The following FAM114A2 variants were observed in gnomAD, a reference collection of about 807,000 sequenced individuals.
FAM114A2 encodes protein FAM114A2.
FAM114A2 carries 53 observed loss-of-function variants against 58.4 expected under a neutral mutation model. That is an observed-to-expected ratio of 0.91 (90% CI 0.73 to 1.14). FAM114A2 has a LOEUF of 1.14. FAM114A2 is among the 50% of genes most tolerant of loss of function. FAM114A2 has a pLI of 0.00. For synonymous variants in FAM114A2, 228 were observed against 211.4 expected (o/e 1.08, Z -0.68); for missense variants, 601 against 581.1 (o/e 1.03, Z -0.35).
chr5:153,992,886 T>TA lies in FAM114A2; in HGVS notation c.*89dup. Reference sequence around the variant, plus strand: ...CTGCCTGAATTTTTATATACTAAAATAACCCCACTCCTTCATTTCTGCAGG... The same window carrying TA: ...CTGCCTGAATTTTTATATACTAAAATAAACCCCACTCCTTCATTTCTGCAGG... On this transcript the variant is annotated 3_prime_UTR_variant, in exon 14 of 14. Transcript: ENST00000351797. The TA allele has an allele frequency of 8.5e-7, 1 of 1,179,484 alleles. No homozygotes were observed. The highest frequency in any genetic ancestry group is 1.2e-6 in the Non-Finnish European group (1 of 843,040). 73.1% of individuals were successfully genotyped at this position (1,179,484 alleles called of 1,614,324 possible). A position where few individuals can be genotyped will look rare whatever the true frequency, so the allele number is the denominator to read the frequency against.
Position 154,034,341 on chromosome 5 carries a change from C to G in FAM114A2, c.247G>C (p.Gly83Arg). The G allele has an allele frequency of 6.3e-7, 1 of 1,599,436 alleles. No homozygotes were observed. Among genetic ancestry groups the G allele is most frequent in the Middle Eastern group, 1.7e-4 (1 of 6,012 alleles). Residue 83 changes from glycine (G) to arginine (R), a missense_variant, in exon 3 of 14, where the codon GGT becomes CGT. Gly to Arg is a moderately radical substitution (Grantham distance 125, BLOSUM62 -2). Coordinates refer to ENST00000351797, the MANE Select transcript of FAM114A2 (RefSeq NM_018691.4). Reference sequence around the variant, plus strand: ...GACTTGCCCCAGCTCCCCCAATAACCCCATCTGGTCTGGGGTACATCTTTG... The same window carrying G: ...GACTTGCCCCAGCTCCCCCAATAACGCCATCTGGTCTGGGGTACATCTTTG... ...VSKDVPQTRW[G>R]YWGSWGKSIL... is the part of the protein sequence containing the mutation.
intron 9 of FAM114A2, among the ~76,000 whole-genome samples, chr5:154,010,055 T>A (rs1488551595): frequency 6.6e-6 from 1 of 152,204 alleles, no homozygotes; most frequent in African/African-American, 2.4e-5. Flanking sequence ...TAAGGGAATA[T>A]CCCTATCCTT....
chr5:153,991,214 T>C lies in FAM114A2; in HGVS notation c.*1762A>G, dbSNP rs1314741510. The C allele has an allele frequency of 1.3e-5, 2 of 152,208 alleles. No homozygotes were observed. The highest frequency in any genetic ancestry group is 2.9e-5 in the Non-Finnish European group (2 of 68,026). The allele number at this position is 152,208 out of a possible 1,614,324, so 9.4% of individuals were successfully genotyped here. A position where few individuals can be genotyped will look rare whatever the true frequency, so the allele number is the denominator to read the frequency against. On this transcript the variant is annotated 3_prime_UTR_variant, in exon 14 of 14. Coordinates refer to ENST00000351797, the MANE Select transcript of FAM114A2 (RefSeq NM_018691.4). ...CTGAATAGGTGTATAAAAAGAGTTG[T>C]TACTCTCTCCTTCATATGTATACCC...
At chr5:153,994,738 T>C (rs1769445641) in intron 13 of FAM114A2, 181 bp downstream of exon 13, 2 of 548,040 alleles carry the variant, frequency 3.6e-6, no homozygotes, top group Non-Finnish European at 6.5e-6. Flanking sequence ...TTCAACTGTA[T>C]GCTTTCTAAT....
chr5:154,028,000 C>T (rs1771910143), intron 6 of FAM114A2, 149 bp downstream of exon 6: 3 of 612,774 alleles, frequency 4.9e-6, no homozygotes, highest in African/African-American at 3.7e-5. Context: ...GTAGAGCTCT[C>T]ACCCATCCCT....
At chr5:154,035,075 G>A (rs1772462244) in intron 1 of FAM114A2, 108 bp from the exon 2 acceptor site, 1 of 652,294 alleles carries the variant, frequency 1.5e-6, no homozygotes, top group African/African-American at 1.8e-5. Context: ...CAAGTATAAG[G>A]AATAATACAG....
At chr5:154,021,259 C>A (rs1712801903) in intron 8 of FAM114A2, among the ~76,000 whole-genome samples, 1 of 152,178 alleles carries the variant, frequency 6.6e-6, no homozygotes, top group South Asian at 2.1e-4. Flanking sequence ...CCCTCTCTCA[C>A]CGCTCCTATT....
chr5:154,011,396 G>T, intron 8 of FAM114A2, 76 bp from the exon 9 acceptor site: 1 of 898,982 alleles, frequency 1.1e-6, no homozygotes. Flanking sequence ...AGGAGGAAGA[G>T]GAGAGGAGTG....
At chr5:154,015,048 G>T (rs1325327588) in intron 8 of FAM114A2, among the ~76,000 whole-genome samples, 1 of 152,086 alleles carries the variant, frequency 6.6e-6, no homozygotes, top group Admixed American at 6.5e-5. Flanking sequence ...CTGACAACCT[G>T]CATGACACAG....
intron 8 of FAM114A2, among the ~76,000 whole-genome samples, chr5:154,020,129 T>C (rs1417463943): frequency 6.6e-6 from 1 of 152,198 alleles, no homozygotes; most frequent in Non-Finnish European, 1.5e-5. Context: ...CCAGAATCTA[T>C]GGGACACATT....
At chr5:154,032,537 G>A (rs1035533532) in intron 4 of FAM114A2, among the ~76,000 whole-genome samples, 18 of 152,040 alleles carry the variant, frequency 1.2e-4, no homozygotes, top group African/African-American at 3.9e-4. Flanking sequence ...TGCCCAAAAC[G>A]CACTCTCTCA....
chr5:154,003,095 G>A lies in FAM114A2; in HGVS notation c.994-126C>T, dbSNP rs182292654. 3 of 743,142 alleles carry A rather than the reference G, an allele frequency of 4.0e-6. No homozygotes were observed. The East Asian group carries it at 7.6e-5, about 19-fold the overall frequency. 46.0% of individuals were successfully genotyped at this position (743,142 alleles called of 1,614,324 possible). A position where few individuals can be genotyped will look rare whatever the true frequency, so the allele number is the denominator to read the frequency against. The stretch of plus-strand genomic sequence containing the variant: ...TGTTCTTACCTGAACGTACCATCTA[G>A]CTTTTCAGTCCTTATCCTACTAGTC... On this transcript the variant is annotated intron_variant, in intron 9 of 13. Transcript: ENST00000351797.
intron 1 of FAM114A2, 96 bp downstream of exon 1, chr5:154,038,761 C>A (rs1478956640): frequency 2.6e-5 from 4 of 152,482 alleles, no homozygotes; most frequent in Non-Finnish European, 4.4e-5. Context: ...ATGTCCGCCG[C>A]CCACCGTCAG....
chr5:154,001,152 G>GA (rs1168295939), intron 11 of FAM114A2, among the ~76,000 whole-genome samples: 1 of 152,104 alleles, frequency 6.6e-6, no homozygotes, highest in Non-Finnish European at 1.5e-5. Flanking sequence ...AATTAAGGGG[G>GA]AGACTATATA....
intron 1 of FAM114A2, 47 bp from the exon 2 acceptor site, chr5:154,035,014 A>G (rs1197759680): frequency 8.4e-7 from 1 of 1,192,894 alleles, no homozygotes; most frequent in South Asian, 1.3e-5. Flanking sequence ...CTTCTTTGGT[A>G]TAAAGTATTT....
At chr5:154,027,553 T>G in intron 6 of FAM114A2, 1 of 390,912 alleles carries the variant, frequency 2.6e-6, no homozygotes, top group Non-Finnish European at 4.5e-6. Context: ...CAGGCTGGAG[T>G]GCAGTGGCAC....
In FAM114A2 at chr5:153,993,049, A is replaced by G. The variant is rs746913963; in HGVS notation, c.1445T>C (p.Ile482Thr). Residue 482 changes from isoleucine to threonine, a missense_variant, in exon 14 of 14, where the codon ATC (isoleucine) becomes ACC (threonine). Ile to Thr is a moderately conservative substitution (Grantham distance 89, BLOSUM62 -1). Coordinates refer to ENST00000351797, the MANE Select transcript of FAM114A2 (RefSeq NM_018691.4). ...TTCAATCTTGTTCTCAATGAGAGAG[A>G]TCTCTAGCACAGGTAAGAGTAGCTG... ...AFQLLLPVLE[I>T]SLIENKIESH... 1.2e-6 allele frequency: 2 copies of G among 1,613,574 alleles called. No individual in the cohort carries two copies. Among genetic ancestry groups the G allele is most frequent in the Admixed American group, 1.7e-5 (1 of 60,016 alleles).
chr5:154,017,605 C>T (rs1771127659), intron 8 of FAM114A2, among the ~76,000 whole-genome samples: 1 of 152,092 alleles, frequency 6.6e-6, no homozygotes, highest in Admixed American at 6.5e-5. Flanking sequence ...AACAGATATA[C>T]ACAGAACATT....
At chr5:154,024,623 ATTCT>A in intron 8 of FAM114A2, among the ~76,000 whole-genome samples, 2 of 152,320 alleles carry the variant, frequency 1.3e-5, no homozygotes, top group Middle Eastern at 6.8e-3. Flanking sequence ...CATTATTAAT[ATTCT>A]TTAATACCAC....
Sources: allele counts gnomAD v4.1 joint callset (sites outside exome capture counted in the v4.1 genomes callset), GRCh38; gene constraint gnomAD v4.1.1; transcripts MANE v1.5; gene names NCBI Gene and HGNC (gene_info 2026-07-23, HGNC 2026-07-21).